The following TANC2 variants were observed in gnomAD, a reference collection of about 807,000 sequenced individuals.
The protein encoded by TANC2 is tetratricopeptide repeat, ankyrin repeat and coiled-coil containing 2.
A neutral mutation model predicts 210.5 loss-of-function variants in TANC2; 26 were observed. That is an observed-to-expected ratio of 0.12 (90% CI 0.09 to 0.17). The LOEUF (loss-of-function observed/expected upper bound fraction) is 0.17, where lower values mean the gene tolerates loss of function less well. TANC2 is among the 10% of genes least tolerant of loss of function. The probability of loss-of-function intolerance (pLI) is 1.00; values close to 1 mark genes in which losing one functional copy is unlikely to be tolerated. For missense variants in TANC2, 2,129 were observed against 2,608.9 expected (o/e 0.82, Z 4.01); for synonymous variants, 931 against 967.1 (o/e 0.96, Z 0.69).
At chr17:63,379,370 T>C (rs965931167) in intron 14 of TANC2, among the ~76,000 whole-genome samples, 2 of 152,106 alleles carry the variant, frequency 1.3e-5, no homozygotes, top group African/African-American at 2.4e-5. Flanking sequence ...CAAAGCAGAA[T>C]TGGGGCATTA....
intron 9 of TANC2, among the ~76,000 whole-genome samples, chr17:63,307,496 C>G (rs1304251993): frequency 6.6e-6 from 1 of 152,118 alleles, no homozygotes; most frequent in Non-Finnish European, 1.5e-5. Context: ...TCATCCTACA[C>G]ATATTCCTCA....
At chr17:63,115,326 T>TAATA (rs1274746357) in intron 4 of TANC2, among the ~76,000 whole-genome samples, 2 of 152,190 alleles carry the variant, frequency 1.3e-5, no homozygotes, top group African/African-American at 2.4e-5. Context: ...GGATAAAAAG[T>TAATA]AATAGGTTAT....
intron 8 of TANC2, among the ~76,000 whole-genome samples, chr17:63,262,976 C>T (rs1184048260): frequency 6.6e-6 from 1 of 152,116 alleles, no homozygotes; most frequent in African/African-American, 2.4e-5. Flanking sequence ...TGGCATCTAA[C>T]TTCCCTTTCT....
intron 1 of TANC2, among the ~76,000 whole-genome samples, chr17:63,000,415 T>C (rs2033319996): frequency 6.6e-6 from 1 of 152,180 alleles, no homozygotes. Flanking sequence ...ACAGGAGGGA[T>C]GAACATTGAA....
At chr17:63,141,628 G>GT (rs2039297700) in intron 4 of TANC2, among the ~76,000 whole-genome samples, 1 of 151,598 alleles carries the variant, frequency 6.6e-6, no homozygotes, top group Non-Finnish European at 1.5e-5. Context: ...TGAGGTAATT[G>GT]TTTTTAGAGC....
intron 2 of TANC2, among the ~76,000 whole-genome samples, chr17:63,056,493 T>C (rs555314801): frequency 1.3e-5 from 2 of 152,094 alleles, no homozygotes; most frequent in Admixed American, 6.6e-5. Flanking sequence ...GTCCTGGAAA[T>C]GTAGCAAGAT....
intron 1 of TANC2, among the ~76,000 whole-genome samples, chr17:63,003,165 A>C (rs1298332753): frequency 6.6e-6 from 1 of 152,138 alleles, no homozygotes; most frequent in Admixed American, 6.6e-5. Context: ...TTCTGGTGGG[A>C]GTATAGTGGA....
chr17:63,263,763 T>C (rs2043439778), intron 8 of TANC2, among the ~76,000 whole-genome samples: 1 of 152,200 alleles, frequency 6.6e-6, no homozygotes, highest in Admixed American at 6.5e-5. Flanking sequence ...ATTAATTTAA[T>C]AAGCATTTTT....
intron 2 of TANC2, among the ~76,000 whole-genome samples, chr17:63,055,615 A>C (rs1205345378): frequency 6.8e-6 from 1 of 147,810 alleles, no homozygotes; most frequent in Non-Finnish European, 1.5e-5. Context: ...TATTTCCTGT[A>C]CTCTGGGGTA....
chr17:63,071,739 A>C (rs959229093), intron 2 of TANC2, among the ~76,000 whole-genome samples: 18 of 152,174 alleles, frequency 1.2e-4, no homozygotes, highest in African/African-American at 4.1e-4. Flanking sequence ...AGTCTTCATA[A>C]CCTGCTTTGT....
chr17:63,262,706 G>A (rs1443189991), intron 8 of TANC2, among the ~76,000 whole-genome samples: 1 of 151,556 alleles, frequency 6.6e-6, no homozygotes, highest in Admixed American at 6.6e-5. Context: ...TAAAGCAGGA[G>A]GCATTGGATT....
intron 11 of TANC2, among the ~76,000 whole-genome samples, chr17:63,321,838 T>A (rs529154994): frequency 6.6e-6 from 1 of 152,308 alleles, no homozygotes; most frequent in African/African-American, 2.4e-5. Context: ...GTCACCTGGC[T>A]GGGCAGGGCA....
At chr17:62,972,163 T>C (rs2031735846) in intron 1 of TANC2, among the ~76,000 whole-genome samples, 1 of 152,172 alleles carries the variant, frequency 6.6e-6, no homozygotes, top group Non-Finnish European at 1.5e-5. Context: ...ATTTATTAGG[T>C]CAGTTTATTT....
intron 8 of TANC2, among the ~76,000 whole-genome samples, chr17:63,238,653 G>A (rs543181416): frequency 8.5e-5 from 13 of 152,066 alleles, no homozygotes; most frequent in Admixed American, 3.9e-4. Flanking sequence ...TAGCAAACTC[G>A]GTTAAAAAAA....
intron 13 of TANC2, among the ~76,000 whole-genome samples, 188 bp from the exon 14 acceptor site, chr17:63,354,595 A>G (rs1018438657): frequency 6.6e-6 from 1 of 152,190 alleles, no homozygotes; most frequent in Non-Finnish European, 1.5e-5. Flanking sequence ...TTAAGTCTCA[A>G]TGTTAGGAGA....
At chr17:63,318,033 C>A (rs2045368651) in intron 10 of TANC2, among the ~76,000 whole-genome samples, 1 of 152,168 alleles carries the variant, frequency 6.6e-6, no homozygotes, top group South Asian at 2.1e-4. Context: ...TCCATGCCCA[C>A]CCCCCTGCAG....
chr17:63,263,801 G>A (rs1203809445), intron 8 of TANC2, among the ~76,000 whole-genome samples: 1 of 152,142 alleles, frequency 6.6e-6, no homozygotes, highest in African/African-American at 2.4e-5. Context: ...CAGGCATAAT[G>A]CATTTATTGA....
At chr17:63,234,822 G>A (rs1353804894) in intron 7 of TANC2, among the ~76,000 whole-genome samples, 1 of 152,032 alleles carries the variant, frequency 6.6e-6, no homozygotes, top group Non-Finnish European at 1.5e-5. Flanking sequence ...TATATAAGTG[G>A]GCAAGATGCC....
At chr17:63,405,311 C>A in intron 20 of TANC2, 56 bp downstream of exon 20, 1 of 1,474,982 alleles carries the variant, frequency 6.8e-7, no homozygotes, top group Non-Finnish European at 9.1e-7. Context: ...TAGGTGAGGA[C>A]TTCTGATGCA....
Sources: gnomAD v4.1 joint callset for allele counts (sites outside exome capture counted in the v4.1 genomes callset) on GRCh38, gnomAD v4.1.1 for gene constraint, MANE v1.5 for transcripts, NCBI Gene and HGNC (gene_info 2026-07-23, HGNC 2026-07-21) for gene names.